Variants in EBF2 observed in about 807,000 individuals in gnomAD.
EBF2 encodes the protein transcription factor COE2.
Under a neutral mutation model 72.8 loss-of-function variants are expected in EBF2, and 21 were observed. The ratio of observed to expected loss-of-function variants is 0.29; its 90% CI spans 0.20 to 0.42. The LOEUF is 0.42. Among genes scored for constraint, EBF2 ranks in the 10% least tolerant of loss-of-function variants. The pLI is 1.00. For missense variants in EBF2, 637 were observed against 731.2 expected (o/e 0.87, Z 1.49); for synonymous variants, 299 against 274.2 (o/e 1.09, Z -0.89).
intron 7 of EBF2, among the ~76,000 whole-genome samples, chr8:25,902,282 A>G (rs977650382): frequency 5.3e-5 from 8 of 152,106 alleles, no homozygotes; most frequent in Non-Finnish European, 8.8e-5. Context: ...ATTATGTCTT[A>G]ACAGGCCTGT....
chr8:25,866,525 AAATATAT>A (rs1448201777), intron 10 of EBF2, among the ~76,000 whole-genome samples: 6 of 143,988 alleles, frequency 4.2e-5, no homozygotes, highest in African/African-American at 1.5e-4. Context: ...TATAATATAA[AAATATAT>A]AATATATATT....
intron 6 of EBF2, among the ~76,000 whole-genome samples, chr8:25,933,399 C>T (rs1168748787): frequency 6.6e-6 from 1 of 152,160 alleles, no homozygotes; most frequent in African/African-American, 2.4e-5. Flanking sequence ...CGTAGCTTCA[C>T]CACACAGACT....
intron 7 of EBF2, among the ~76,000 whole-genome samples, chr8:25,896,876 C>T (rs1013897203): frequency 6.6e-6 from 1 of 152,194 alleles, no homozygotes; most frequent in Admixed American, 6.6e-5. Context: ...TTTGTTCTGC[C>T]CTACCACTTT....
intron 6 of EBF2, among the ~76,000 whole-genome samples, chr8:26,012,836 TCAAA>T (rs1372069114): frequency 2.0e-5 from 3 of 152,206 alleles, no homozygotes; most frequent in Non-Finnish European, 2.9e-5. Context: ...CTGTGAAGCA[TCAAA>T]CAAAGTCTTC....
intron 6 of EBF2, among the ~76,000 whole-genome samples, chr8:25,960,660 C>A (rs1452466937): frequency 6.6e-6 from 1 of 151,940 alleles, no homozygotes; most frequent in African/African-American, 2.4e-5. Context: ...TGAAATGGCC[C>A]ACCAAAACTG....
rs772432915 is a variant in EBF2, at chr8:25,889,815, T to G, written c.688A>C (p.Asn230His). The G allele has an allele frequency of 2.7e-5, 44 of 1,614,056 alleles. No homozygotes were observed. In the South Asian group the frequency reaches 4.8e-4, roughly 18 times the overall value. The change falls in exon 8 of 16, where the codon AAC becomes CAC. Residue 230 changes from asparagine (N) to histidine (H), a missense_variant. Physicochemically the swap from Asn to His is moderately conservative, Grantham distance 68. Around this residue, in one of 3 missense-constraint regions of EBF2, gnomAD observed 204 missense variants for 301.2 expected, o/e 0.68. Coordinates refer to ENST00000520164, the MANE Select transcript of EBF2 (RefSeq NM_022659.4). The stretch of plus-strand genomic sequence containing the variant: ...TTGGAGTTGTTATGAACAAACATGT[T>G]GTCAGAAACAGCCAGGACGTGTCCA... ...VDGHVLAVSD[N>H]MFVHNNSKHG...
intron 7 of EBF2, among the ~76,000 whole-genome samples, chr8:25,901,533 C>T (rs977670189): frequency 2.0e-5 from 3 of 152,044 alleles, no homozygotes; most frequent in Admixed American, 6.6e-5. Context: ...TTGTGCTGCC[C>T]ACAGGATAGA....
intron 6 of EBF2, among the ~76,000 whole-genome samples, chr8:25,909,371 T>G (rs1478820644): frequency 6.6e-6 from 1 of 151,508 alleles, no homozygotes; most frequent in African/African-American, 2.4e-5. Context: ...ATACAGTAAG[T>G]TTTTCATTTA....
Position 25,850,683 on chromosome 8 carries a change from A to G in EBF2, c.1607T>C (p.Val536Ala). The G allele has an allele frequency of 6.4e-7, 1 of 1,563,984 alleles. No homozygotes were observed. The highest frequency in any genetic ancestry group is 1.2e-5 in the South Asian group (1 of 82,814). The change falls in exon 15 of 16, where the codon GTC becomes GCC. Residue 536 changes from valine (V) to alanine (A), a missense_variant. Transcript: ENST00000520164. ...AGGGGCAAAGGCACTCTTCTGTTTG[A>G]CAGCAGGAAAAACTGAAGAGGAAAA... ...LPFSSSVFPAVKQKSAFAPVI... is the reference protein window; with the variant it reads ...LPFSSSVFPAAKQKSAFAPVI...
intron 6 of EBF2, among the ~76,000 whole-genome samples, chr8:26,010,988 T>TACACACACACACACACACACACAC (rs36211488): frequency 6.0e-5 from 9 of 150,868 alleles, no homozygotes; most frequent in African/African-American, 2.2e-4. Flanking sequence ...TATGTGTGCA[T>TACACACACACACACACACACACAC]ACACACACAC....
chr8:25,889,890 G>C (rs962353812), intron 7 of EBF2, 21 bp from the exon 8 acceptor site: 1 of 1,594,676 alleles, frequency 6.3e-7, no homozygotes, highest in Non-Finnish European at 8.6e-7. Context: ...AAAGTAAAAA[G>C]GAGAAAGGGG....
At chr8:25,971,862 T>C (rs535959716) in intron 6 of EBF2, among the ~76,000 whole-genome samples, 11 of 152,260 alleles carry the variant, frequency 7.2e-5, no homozygotes, top group Admixed American at 7.2e-4. Context: ...CTAGGGAGGC[T>C]GGTGGGAGTC....
intron 6 of EBF2, among the ~76,000 whole-genome samples, chr8:26,021,450 C>T (rs1267062132): frequency 6.6e-6 from 1 of 152,160 alleles, no homozygotes; most frequent in Non-Finnish European, 1.5e-5. Flanking sequence ...TCAGTTATGG[C>T]CACACAACAT....
intron 6 of EBF2, among the ~76,000 whole-genome samples, chr8:26,016,939 A>G (rs1460520306): frequency 6.6e-6 from 1 of 152,162 alleles, no homozygotes; most frequent in Non-Finnish European, 1.5e-5. Flanking sequence ...AATAATGACA[A>G]TAGTGGAGTT....
At chr8:26,041,995 T>G in intron 2 of EBF2, 100 bp downstream of exon 2, 6 of 1,500,514 alleles carry the variant, frequency 4.0e-6, no homozygotes, top group Non-Finnish European at 4.5e-6. Flanking sequence ...TCCCTGATGG[T>G]GAGAGTGGAA....
intron 6 of EBF2, among the ~76,000 whole-genome samples, chr8:25,915,163 A>C (rs1259709419): frequency 1.3e-5 from 2 of 152,192 alleles, no homozygotes; most frequent in Non-Finnish European, 2.9e-5. Context: ...AACAAGATTC[A>C]GAAAGGTTAA....
At chr8:25,933,724 A>G (rs1803521009) in intron 6 of EBF2, among the ~76,000 whole-genome samples, 1 of 152,218 alleles carries the variant, frequency 6.6e-6, no homozygotes, top group Admixed American at 6.5e-5. Context: ...AAGAAATACT[A>G]CATAATTATT....
At chr8:25,902,276 T>A (rs1021981347) in intron 7 of EBF2, among the ~76,000 whole-genome samples, 1 of 152,152 alleles carries the variant, frequency 6.6e-6, no homozygotes, top group Non-Finnish European at 1.5e-5. Context: ...GGATTCATTA[T>A]GTCTTAACAG....
intron 6 of EBF2, among the ~76,000 whole-genome samples, chr8:25,984,162 C>T (rs1409816562): frequency 1.3e-5 from 2 of 152,068 alleles, no homozygotes; most frequent in Non-Finnish European, 2.9e-5. Flanking sequence ...AATGCGAAAC[C>T]GAGAAGGAGC....
Sources: allele counts gnomAD v4.1 joint callset (sites outside exome capture counted in the v4.1 genomes callset), GRCh38; gene constraint gnomAD v4.1.1; regional missense constraint gnomAD v4.1.1; transcripts MANE v1.5; gene names NCBI Gene and HGNC (gene_info 2026-07-23, HGNC 2026-07-21).